The following CRYBG1 variants were observed in gnomAD, a reference collection of about 807,000 sequenced individuals.
CRYBG1 encodes beta/gamma crystallin domain-containing protein 1.
Under a neutral mutation model 189.2 loss-of-function variants are expected in CRYBG1, and 139 were observed. The ratio of observed to expected loss-of-function variants is 0.73; its 90% CI spans 0.64 to 0.85. The LOEUF (loss-of-function observed/expected upper bound fraction) is 0.85. Among genes scored for constraint, CRYBG1 ranks in the 40% least tolerant of loss-of-function variants. The probability of loss-of-function intolerance (pLI) is 0.00; values close to 1 mark genes in which losing one functional copy is unlikely to be tolerated. For missense variants in CRYBG1, 2,611 were observed against 2,675.8 expected (o/e 0.98, Z 0.53); for synonymous variants, 1,023 against 1,017.1 (o/e 1.01, Z -0.11).
Position 106,519,367 on chromosome 6 carries a change from C to A in CRYBG1, c.2159C>A (p.Ala720Asp), listed in dbSNP as rs765017160. ...GTTGGGAGGGCAAAGCTGAATTTAGCCAAAAAAGCCAAAGAAATGGAGCAA... is the reference window on the plus strand; with the variant it reads ...GTTGGGAGGGCAAAGCTGAATTTAGACAAAAAAGCCAAAGAAATGGAGCAA... The part of the protein sequence containing the change: ...TFVGRAKLNL[A>D]KKAKEMEQPE... Residue 720 changes from alanine (A) to aspartate (D), a missense_variant, in exon 4 of 22, where the codon GCC (alanine) becomes GAC (aspartate). Ala to Asp is a moderately radical substitution (Grantham distance 126, BLOSUM62 -2). Transcript: ENST00000633556. 1 of 1,613,896 alleles carries A rather than the reference C, an allele frequency of 6.2e-7. No homozygotes were observed. Among genetic ancestry groups the A allele is most frequent in the Non-Finnish European group, 8.5e-7 (1 of 1,180,022 alleles).
chr6:106,425,086 C>T (rs1771201265), intron 1 of CRYBG1, among the ~76,000 whole-genome samples: 2 of 152,214 alleles, frequency 1.3e-5, no homozygotes, highest in Non-Finnish European at 2.9e-5. Flanking sequence ...CTACCTGTCA[C>T]CCAGTGGAGA....
chr6:106,443,266 A>G (rs1228353032), intron 1 of CRYBG1, among the ~76,000 whole-genome samples: 1 of 152,226 alleles, frequency 6.6e-6, no homozygotes, highest in Non-Finnish European at 1.5e-5. Context: ...ACAGATCAGA[A>G]CACTAAAAGA....
chr6:106,498,065 C>T (rs1202236170), intron 2 of CRYBG1, among the ~76,000 whole-genome samples: 2 of 149,774 alleles, frequency 1.3e-5, no homozygotes, highest in African/African-American at 4.9e-5. Context: ...CACACCACTG[C>T]ACTCCAGCCT....
At chr6:106,525,012 A>G (rs1174332163) in intron 4 of CRYBG1, 121 bp from the exon 5 acceptor site, 9 of 931,318 alleles carry the variant, frequency 9.7e-6, no homozygotes, top group South Asian at 3.0e-5. Flanking sequence ...ATTAGAGTGG[A>G]GGTTTCAAAA....
chr6:106,528,841 T>C (rs1773812923), intron 7 of CRYBG1, among the ~76,000 whole-genome samples: 1 of 152,216 alleles, frequency 6.6e-6, no homozygotes, highest in African/African-American at 2.4e-5. Flanking sequence ...GGTACCATTA[T>C]TTATTTATTA....
intron 2 of CRYBG1, among the ~76,000 whole-genome samples, chr6:106,470,006 G>T (rs901962892): frequency 6.6e-6 from 1 of 152,170 alleles, no homozygotes; most frequent in Non-Finnish European, 1.5e-5. Flanking sequence ...TCTCTGCTGA[G>T]CATTCAGGCT....
intron 4 of CRYBG1, 144 bp downstream of exon 4, chr6:106,521,597 T>C: frequency 2.0e-6 from 2 of 991,190 alleles, no homozygotes; most frequent in Non-Finnish European, 1.4e-6. Context: ...TTTGAAAACC[T>C]GCAATGTACA....
intron 2 of CRYBG1, among the ~76,000 whole-genome samples, chr6:106,462,994 A>C (rs561978247): frequency 1.3e-5 from 2 of 152,328 alleles, no homozygotes; most frequent in African/African-American, 4.8e-5. Context: ...CTCTACAAAA[A>C]AATTTTAAAA....
At chr6:106,548,491 A>G (rs1774315201) in intron 13 of CRYBG1, among the ~76,000 whole-genome samples, 1 of 152,186 alleles carries the variant, frequency 6.6e-6, no homozygotes, top group African/African-American at 2.4e-5. Context: ...TTGTTAGTAA[A>G]AAGAACAGAG....
intron 6 of CRYBG1, among the ~76,000 whole-genome samples, chr6:106,527,019 A>T (rs188507768): frequency 6.6e-5 from 10 of 151,508 alleles, no homozygotes; most frequent in Non-Finnish European, 1.3e-4. Flanking sequence ...TATTATCATA[A>T]GTCTCTACCA....
intron 2 of CRYBG1, among the ~76,000 whole-genome samples, chr6:106,453,248 A>G (rs554521806): frequency 2.6e-5 from 4 of 152,324 alleles, no homozygotes; most frequent in East Asian, 1.9e-4. Context: ...AAGGACATGA[A>G]GAGATTATTA....
At chr6:106,482,334 G>A (rs1239001250) in intron 2 of CRYBG1, among the ~76,000 whole-genome samples, 1 of 152,136 alleles carries the variant, frequency 6.6e-6, no homozygotes, top group Non-Finnish European at 1.5e-5. Flanking sequence ...ACTCATTAGG[G>A]AATAATTTCA....
At position 106,512,669 on chromosome 6, in the gene CRYBG1, A is replaced by G; in HGVS notation, c.1552A>G (p.Arg518Gly). The change falls in exon 3 of 22, where the codon AGG (arginine) becomes GGG (glycine). Residue 518 changes from arginine to glycine, a missense_variant. This residue lies in a region of CRYBG1 where 985 missense variants were observed against 924.4 expected (regional missense o/e 1.07). Transcript: ENST00000633556. ...PASSPTKRKG[R>G]SRALEAVPAP... ...TTCGTCCCCCACGAAGAGGAAGGGC[A>G]GGAGCCGTGCCCTCGAGGCCGTGCC... 1 of 1,571,078 alleles carries G rather than the reference A, an allele frequency of 6.4e-7. No homozygotes were observed. Among genetic ancestry groups the G allele is most frequent in the Non-Finnish European group, 8.6e-7 (1 of 1,159,370 alleles).
chr6:106,425,621 G>T (rs1028586780), intron 1 of CRYBG1, among the ~76,000 whole-genome samples: 4 of 152,100 alleles, frequency 2.6e-5, no homozygotes, highest in African/African-American at 9.7e-5. Flanking sequence ...ATGTTGACTG[G>T]TTTCACTTTA....
chr6:106,379,021 C>T (rs569615717), intron 1 of CRYBG1, among the ~76,000 whole-genome samples: 26 of 152,068 alleles, frequency 1.7e-4, no homozygotes, highest in African/African-American at 6.3e-4. Context: ...GTGGCAGGCG[C>T]CTGTAGTCCC....
At chr6:106,550,892 T>C (rs1483579067) in intron 13 of CRYBG1, among the ~76,000 whole-genome samples, 1 of 152,208 alleles carries the variant, frequency 6.6e-6, no homozygotes, top group Non-Finnish European at 1.5e-5. Flanking sequence ...GTATTGCCTT[T>C]GTAGCTTTCT....
At chr6:106,530,667 TG>T (rs35370433) in intron 8 of CRYBG1, among the ~76,000 whole-genome samples, 35,410 of 151,718 alleles carry the variant, frequency 0.23, 4,335 homozygotes, top group South Asian at 0.35. Context: ...CTGATATTTC[TG>T]GGGGGGGATG....
At chr6:106,553,394 G>T in intron 15 of CRYBG1, 61 bp from the exon 16 acceptor site, 1 of 1,151,206 alleles carries the variant, frequency 8.7e-7, no homozygotes, top group Admixed American at 1.8e-5. Context: ...CATTTCAAAG[G>T]CTAAATTAGT....
intron 8 of CRYBG1, among the ~76,000 whole-genome samples, chr6:106,533,716 G>T (rs1773925307): frequency 6.6e-6 from 1 of 152,162 alleles, no homozygotes; most frequent in African/African-American, 2.4e-5. Flanking sequence ...CATTTATTGA[G>T]ACGAAAAAGA....
Sources: gnomAD v4.1 joint callset for allele counts (sites outside exome capture counted in the v4.1 genomes callset) on GRCh38, gnomAD v4.1.1 for gene constraint, gnomAD v4.1.1 regional missense constraint, MANE v1.5 for transcripts, NCBI Gene and HGNC (gene_info 2026-07-23, HGNC 2026-07-21) for gene names.